The following PHKB variants were observed in gnomAD, a reference collection of about 807,000 sequenced individuals.
PHKB encodes phosphorylase kinase regulatory subunit beta, also known as phosphorylase b kinase regulatory subunit beta.
PHKB carries 122 observed loss-of-function variants against 152.1 expected under a neutral mutation model. The observed-to-expected ratio is 0.80, with a 90% confidence interval of 0.69 to 0.93. The LOEUF (loss-of-function observed/expected upper bound fraction) is 0.93, where lower values mean the gene tolerates loss of function less well. Among genes scored for constraint, PHKB ranks in the 40% least tolerant of loss-of-function variants. PHKB has a pLI of 0.00. For synonymous variants in PHKB, 436 were observed against 464.9 expected, an observed-to-expected ratio of 0.94 and a Z score of 0.80; for missense variants, 1,304 against 1,328.4, an observed-to-expected ratio of 0.98 and a Z score of 0.29.
intron 3 of PHKB, among the ~76,000 whole-genome samples, chr16:47,500,811 C>G (rs1302511507): frequency 6.6e-6 from 1 of 151,998 alleles, no homozygotes. Flanking sequence ...TACATTTTAA[C>G]CATAATTAAG....
intron 1 of PHKB, among the ~76,000 whole-genome samples, chr16:47,466,368 GTTATA>G (rs923969006): frequency 1.3e-5 from 2 of 152,144 alleles, no homozygotes; most frequent in Admixed American, 6.5e-5. Context: ...GGCCACTACA[GTTATA>G]TTAAGTTAGC....
intron 13 of PHKB, among the ~76,000 whole-genome samples, chr16:47,601,714 A>C (rs1972230769): frequency 6.6e-6 from 1 of 152,070 alleles, no homozygotes; most frequent in Admixed American, 6.6e-5. Context: ...CAAAAAAAAA[A>C]AAAACTGACT....
intron 1 of PHKB, among the ~76,000 whole-genome samples, chr16:47,490,743 T>C (rs1203822103): frequency 6.6e-6 from 1 of 152,246 alleles, no homozygotes; most frequent in Non-Finnish European, 1.5e-5. Context: ...AAAAACCTTT[T>C]ATAACCCTTT....
intron 6 of PHKB, among the ~76,000 whole-genome samples, chr16:47,522,545 T>A (rs1970702310): frequency 6.6e-6 from 1 of 151,760 alleles, no homozygotes; most frequent in Non-Finnish European, 1.5e-5. Context: ...TATTTATTTT[T>A]TTTTTAGTCT....
At chr16:47,670,737 GC>G (rs1331789347) in intron 26 of PHKB, among the ~76,000 whole-genome samples, 66 of 152,084 alleles carry the variant, frequency 4.3e-4, no homozygotes, top group African/African-American at 1.4e-3. Context: ...TGATCTGCCT[GC>G]CTCAGCCTCC....
chr16:47,557,333 C>T (rs1279140049), intron 7 of PHKB, among the ~76,000 whole-genome samples: 1 of 152,208 alleles, frequency 6.6e-6, no homozygotes, highest in African/African-American at 2.4e-5. Context: ...GCAAGGACTT[C>T]ATGTCTAAAA....
At chr16:47,517,925 A>G (rs1018370249) in intron 6 of PHKB, among the ~76,000 whole-genome samples, 2 of 152,220 alleles carry the variant, frequency 1.3e-5, no homozygotes, top group African/African-American at 2.4e-5. Flanking sequence ...GAGATTCTGT[A>G]TAATGTGTTG....
chr16:47,542,926 T>A (rs1334933743), intron 6 of PHKB, among the ~76,000 whole-genome samples: 2 of 152,236 alleles, frequency 1.3e-5, no homozygotes, highest in Admixed American at 6.5e-5. Context: ...TTTCTAAATA[T>A]ACAATCATGT....
At chr16:47,469,928 GGTA>G (rs575439394) in intron 1 of PHKB, among the ~76,000 whole-genome samples, 2 of 152,178 alleles carry the variant, frequency 1.3e-5, no homozygotes, top group Non-Finnish European at 2.9e-5. Context: ...ACCTAGTGGT[GGTA>G]GTAGTAGTAC....
At position 47,660,695 on chromosome 16, in the gene PHKB, C is replaced by A; in HGVS notation, c.2072C>A (p.Pro691His). 1 of 1,614,076 alleles carries A rather than the reference C, an allele frequency of 6.2e-7. No homozygotes were observed. Among genetic ancestry groups the A allele is most frequent in the Non-Finnish European group, 8.5e-7 (1 of 1,179,990 alleles). Residue 691 changes from proline (P) to histidine (H), a missense_variant, in exon 22 of 31, where the codon CCC (proline) becomes CAC (histidine). By Grantham distance (77) the Pro-to-His change is moderately conservative. Transcript: ENST00000323584. ...AAGAGTTTTGAGGAACTAGAACCTCCCAAACATTCAAAAGTCAAACGGCAA... is the reference window on the plus strand; with the variant it reads ...AAGAGTTTTGAGGAACTAGAACCTCACAAACATTCAAAAGTCAAACGGCAA... The part of the protein sequence containing the change: ...EFKSFEELEP[P>H]KHSKVKRQSS...
At chr16:47,504,937 A>G (rs1463525648) in intron 4 of PHKB, among the ~76,000 whole-genome samples, 3 of 152,194 alleles carry the variant, frequency 2.0e-5, no homozygotes, top group Non-Finnish European at 2.9e-5. Flanking sequence ...AAGATGATGA[A>G]CTGTGCCTGG....
intron 1 of PHKB, among the ~76,000 whole-genome samples, chr16:47,495,251 A>G (rs1250919754): frequency 2.6e-5 from 4 of 151,380 alleles, no homozygotes; most frequent in African/African-American, 4.9e-5. Flanking sequence ...TAGTTCTTAA[A>G]TATCCTAGCA....
intron 6 of PHKB, among the ~76,000 whole-genome samples, chr16:47,541,926 T>A (rs1222403304): frequency 6.6e-6 from 1 of 152,032 alleles, no homozygotes; most frequent in Non-Finnish European, 1.5e-5. Flanking sequence ...ATTGCAAAAT[T>A]TTTCTCCCAT....
intron 14 of PHKB, among the ~76,000 whole-genome samples, chr16:47,632,964 T>C (rs1972852539): frequency 6.6e-6 from 1 of 152,212 alleles, no homozygotes; most frequent in Admixed American, 6.5e-5. Flanking sequence ...AGTGCCCAGC[T>C]TATAGAGAAG....
intron 20 of PHKB, among the ~76,000 whole-genome samples, chr16:47,656,332 T>TA (rs1973338133): frequency 6.6e-6 from 1 of 152,332 alleles, no homozygotes; most frequent in African/African-American, 2.4e-5. Context: ...TTACATTTTT[T>TA]AAAAAATGTA....
chr16:47,506,792 A>G (rs1272719720), intron 4 of PHKB, among the ~76,000 whole-genome samples: 2 of 152,206 alleles, frequency 1.3e-5, no homozygotes, highest in Admixed American at 6.5e-5. Flanking sequence ...AAAATACACT[A>G]ACACCAACCA....
intron 3 of PHKB, among the ~76,000 whole-genome samples, chr16:47,501,522 A>C (rs1324384913): frequency 6.6e-6 from 1 of 152,158 alleles, no homozygotes; most frequent in Non-Finnish European, 1.5e-5. Context: ...TAATGGTATT[A>C]TGGTTATGTA....
At chr16:47,478,415 G>T (rs79530190) in intron 1 of PHKB, among the ~76,000 whole-genome samples, 2,541 of 149,202 alleles carry the variant, frequency 0.017, 73 homozygotes, top group African/African-American at 0.059. Context: ...CATTAAAGCA[G>T]TATTTCTGAT....
chr16:47,489,641 G>A (rs1209236020), intron 1 of PHKB, among the ~76,000 whole-genome samples: 3 of 152,176 alleles, frequency 2.0e-5, no homozygotes, highest in Non-Finnish European at 4.4e-5. Flanking sequence ...TAAACTTGGA[G>A]TTCGTAGGCC....
Sources: allele counts gnomAD v4.1 joint callset (sites outside exome capture counted in the v4.1 genomes callset), GRCh38; gene constraint gnomAD v4.1.1; transcripts MANE v1.5; gene names NCBI Gene and HGNC (gene_info 2026-07-23, HGNC 2026-07-21).